The following PPP2R3A variants were observed in gnomAD, a reference collection of about 807,000 sequenced individuals.
PPP2R3A encodes protein phosphatase 2 regulatory subunit B''alpha.
In PPP2R3A, 80 loss-of-function variants were observed where a neutral mutation model predicts 106.9. The observed-to-expected ratio is 0.75, with a 90% confidence interval of 0.62 to 0.90. PPP2R3A has a LOEUF of 0.90. PPP2R3A is among the 40% of genes least tolerant of loss of function. The pLI is 0.00. For synonymous variants in PPP2R3A, 483 were observed against 468.3 expected (o/e 1.03, Z -0.41); for missense variants, 1,386 against 1,350.4 (o/e 1.03, Z -0.41).
chr3:136,082,700 ATGAAT>A (rs1363026849), intron 8 of PPP2R3A, among the ~76,000 whole-genome samples: 2 of 152,170 alleles, frequency 1.3e-5, no homozygotes, highest in Middle Eastern at 3.2e-3. Context: ...TTTTCTGATG[ATGAAT>A]TGAATAAGAT....
Position 136,085,650 on chromosome 3 carries a change from C to T in PPP2R3A, c.2789-2233C>T, listed in dbSNP as rs115403563. Among the ~76,000 whole-genome samples, 675 of 152,290 alleles carry T rather than the reference C, an allele frequency of 4.4e-3. 3 individuals are homozygous for T. Among genetic ancestry groups the T allele is most frequent in the Middle Eastern group, 0.031 (9 of 294 alleles). ...TCTCATAAGATTGTCCCTGTTCTGT[C>T]CTTAAATGCCTTCTCAGGCACTGTT... On this transcript the variant is annotated intron_variant, in intron 8 of 13. Transcript: ENST00000264977.
At chr3:136,012,965 A>G (rs1429705680) in intron 2 of PPP2R3A, among the ~76,000 whole-genome samples, 4 of 152,050 alleles carry the variant, frequency 2.6e-5, no homozygotes, top group African/African-American at 9.7e-5. Context: ...CTTCCTCCCA[A>G]GTCCCCGAAG....
At chr3:136,128,115 A>G (rs1053811896) in intron 13 of PPP2R3A, among the ~76,000 whole-genome samples, 2 of 152,210 alleles carry the variant, frequency 1.3e-5, no homozygotes, top group South Asian at 4.1e-4. Flanking sequence ...TTAACAGGCA[A>G]AATAACCAGT....
chr3:136,027,154 C>T (rs1559875984), intron 3 of PPP2R3A, 56 bp downstream of exon 3: 1 of 1,471,810 alleles, frequency 6.8e-7, no homozygotes. Flanking sequence ...CCCTGATCCC[C>T]TCCCCTTCTC....
At chr3:136,087,243 GTGTC>G (rs1476665959) in intron 8 of PPP2R3A, among the ~76,000 whole-genome samples, 27 of 75,062 alleles carry the variant, frequency 3.6e-4, no homozygotes, top group Non-Finnish European at 5.2e-4. Flanking sequence ...GTCTCTAGTC[GTGTC>G]TCTCTCTCTC....
At chr3:136,006,077 A>G (rs1463569168) in intron 2 of PPP2R3A, among the ~76,000 whole-genome samples, 1 of 152,210 alleles carries the variant, frequency 6.6e-6, no homozygotes, top group Non-Finnish European at 1.5e-5. Context: ...GTGACCCCCA[A>G]TCTAGGTACA....
chr3:136,003,394 C>G lies in PPP2R3A; in HGVS notation c.1896C>G (p.Ser632=). 1.2e-6 allele frequency: 2 copies of G among 1,613,982 alleles called. No individual in the cohort carries two copies. The highest frequency in any genetic ancestry group is 2.2e-5 in the South Asian group (2 of 91,082). Residue 632 remains serine (S), a synonymous_variant, in exon 2 of 14, where the codon TCC becomes TCG. Coordinates refer to ENST00000264977, the MANE Select transcript of PPP2R3A (RefSeq NM_002718.5). ...TTCTACAGGAAACCTTGACAACTTC[C>G]TCCCAGGCCAATTTATCAGTCTGTA... The part of the protein sequence containing the change: ...MQILQETLTT[S]SQANLSVCRS...
intron 5 of PPP2R3A, among the ~76,000 whole-genome samples, chr3:136,058,821 A>G (rs1213470818): frequency 2.0e-5 from 3 of 152,234 alleles, no homozygotes; most frequent in African/African-American, 4.8e-5. Flanking sequence ...GGAACAGAAT[A>G]GAGAACCCAG....
chr3:136,108,912 C>T (rs1034508109), intron 13 of PPP2R3A, among the ~76,000 whole-genome samples: 33 of 151,930 alleles, frequency 2.2e-4, no homozygotes, highest in African/African-American at 7.7e-4. Flanking sequence ...GTCAAACATA[C>T]GAGAACTAGA....
chr3:135,999,278 G>A (rs566808052), intron 1 of PPP2R3A, among the ~76,000 whole-genome samples: 9 of 152,270 alleles, frequency 5.9e-5, no homozygotes, highest in East Asian at 1.9e-4. Context: ...CCATTTTGCC[G>A]TTGAAACAGA....
Position 136,078,358 on chromosome 3 carries a change from T to G in PPP2R3A, c.2545-9T>G, listed in dbSNP as rs763875614. On this transcript the variant is annotated splice_polypyrimidine_tract_variant and intron_variant, in intron 6 of 13. Coordinates refer to ENST00000264977, the MANE Select transcript of PPP2R3A (RefSeq NM_002718.5). ...TTTTTATTTGGTTTTATTTTCCTTT[T>G]GGAACCAGGTTATTCAGAGAATATT... 1 of 1,572,502 alleles carries G rather than the reference T, an allele frequency of 6.4e-7. No homozygotes were observed. Among genetic ancestry groups the G allele is most frequent in the Non-Finnish European group, 8.7e-7 (1 of 1,148,066 alleles).
At chr3:135,968,789 AT>A (rs1260529061) in intron 1 of PPP2R3A, among the ~76,000 whole-genome samples, 2 of 152,226 alleles carry the variant, frequency 1.3e-5, no homozygotes, top group Non-Finnish European at 2.9e-5. Flanking sequence ...GGAAATGCAT[AT>A]CTTTCCTCTT....
At chr3:136,063,946 T>A (rs999081595) in intron 5 of PPP2R3A, among the ~76,000 whole-genome samples, 1 of 150,260 alleles carries the variant, frequency 6.7e-6, no homozygotes, top group Admixed American at 6.6e-5. Context: ...TAAATCATGC[T>A]GCTATAAAGA....
intron 13 of PPP2R3A, among the ~76,000 whole-genome samples, chr3:136,118,143 T>C (rs1214105219): frequency 6.6e-6 from 1 of 152,144 alleles, no homozygotes; most frequent in African/African-American, 2.4e-5. Flanking sequence ...GTTATCTCAA[T>C]AGATGTAGAA....
chr3:135,978,070 G>A (rs2107755151), intron 1 of PPP2R3A, among the ~76,000 whole-genome samples: 1 of 152,234 alleles, frequency 6.6e-6, no homozygotes, highest in African/African-American at 2.4e-5. Flanking sequence ...AGGAAGCCAG[G>A]TGAAGGGTGT....
chr3:136,015,195 A>G (rs1403942196), intron 2 of PPP2R3A, among the ~76,000 whole-genome samples: 1 of 152,170 alleles, frequency 6.6e-6, no homozygotes, highest in East Asian at 1.9e-4. Context: ...ATGGTGGATT[A>G]TCTTTTTAAT....
intron 13 of PPP2R3A, among the ~76,000 whole-genome samples, chr3:136,115,952 A>G (rs1214364628): frequency 6.6e-6 from 1 of 152,110 alleles, no homozygotes; most frequent in Non-Finnish European, 1.5e-5. Context: ...CGTCAAATTC[A>G]CCAAGGCTGA....
rs149811665 is a variant in PPP2R3A at position 136,147,657 on chromosome 3, T to C, written c.*2491T>C. 2,075 of 152,630 alleles carry C rather than the reference T, an allele frequency of 0.014. 43 individuals are homozygous for C. The highest frequency in any genetic ancestry group is 0.048 in the East Asian group (247 of 5,184). 9.5% of individuals were successfully genotyped at this position (152,630 alleles called of 1,614,324 possible). On this transcript the variant is annotated 3_prime_UTR_variant, in exon 14 of 14. Coordinates refer to ENST00000264977, the MANE Select transcript of PPP2R3A (RefSeq NM_002718.5). Reference sequence around the variant, plus strand: ...AAGCTGAGGGTTATCATGACCTTAATGCTAATTCAATGAGAAATGAGTTTA... The same window carrying C: ...AAGCTGAGGGTTATCATGACCTTAACGCTAATTCAATGAGAAATGAGTTTA...
chr3:136,024,194 A>G (rs1934568437), intron 2 of PPP2R3A, among the ~76,000 whole-genome samples: 1 of 152,096 alleles, frequency 6.6e-6, no homozygotes, highest in Non-Finnish European at 1.5e-5. Flanking sequence ...CTGGACTGAA[A>G]CCACTGTATC....
Sources: allele counts gnomAD v4.1 joint callset (sites outside exome capture counted in the v4.1 genomes callset), GRCh38; gene constraint gnomAD v4.1.1; transcripts MANE v1.5; gene names NCBI Gene and HGNC (gene_info 2026-07-23, HGNC 2026-07-21).